The following EYA2 variants were observed in gnomAD, a reference collection of about 807,000 sequenced individuals.
The protein encoded by EYA2 is protein phosphatase EYA2.
A neutral mutation model predicts 69.2 loss-of-function variants in EYA2; 31 were observed. That is an observed-to-expected ratio of 0.45 (90% CI 0.34 to 0.60). The LOEUF (loss-of-function observed/expected upper bound fraction) is 0.60. Among genes scored for constraint, EYA2 ranks in the 20% least tolerant of loss-of-function variants. EYA2 has a pLI of 0.02. For missense variants in EYA2, 622 were observed against 701.2 expected (o/e 0.89, Z 1.28); for synonymous variants, 257 against 279.4 (o/e 0.92, Z 0.80).
chr20:47,147,054 CTT>C (rs57767869), intron 10 of EYA2, among the ~76,000 whole-genome samples: 56 of 112,890 alleles, frequency 5.0e-4, no homozygotes, highest in South Asian at 2.4e-3. Flanking sequence ...GCTCCTCTGA[CTT>C]TTTTTTTTTT....
intron 10 of EYA2, among the ~76,000 whole-genome samples, chr20:47,156,444 G>A (rs941646321): frequency 2.0e-5 from 3 of 151,736 alleles, no homozygotes; most frequent in Non-Finnish European, 4.4e-5. Flanking sequence ...CATTCGGGCA[G>A]GCTGGAAGGG....
intron 4 of EYA2, among the ~76,000 whole-genome samples, chr20:47,006,984 C>T (rs1982758956): frequency 6.6e-6 from 1 of 152,180 alleles, no homozygotes; most frequent in Non-Finnish European, 1.5e-5. Context: ...AGCCAGAGTG[C>T]AGTGGCACCA....
At chr20:47,004,202 CA>C (rs1982549708) in intron 3 of EYA2, among the ~76,000 whole-genome samples, 1 of 152,112 alleles carries the variant, frequency 6.6e-6, no homozygotes, top group South Asian at 2.1e-4. Flanking sequence ...TGGAATAGCT[CA>C]CAACATAAAT....
At chr20:47,028,021 G>A (rs8121917) in intron 5 of EYA2, among the ~76,000 whole-genome samples, 27,152 of 152,056 alleles carry the variant, frequency 0.18, 2,596 homozygotes, top group African/African-American at 0.24. Flanking sequence ...CCTTTGGGAG[G>A]TGTTAGGGTT....
intron 9 of EYA2, among the ~76,000 whole-genome samples, chr20:47,109,615 T>C (rs759486580): frequency 4.6e-5 from 7 of 152,308 alleles, no homozygotes; most frequent in Non-Finnish European, 8.8e-5. Context: ...ACTCCAGGGC[T>C]CTAGTAATCC....
At chr20:47,183,861 C>T (rs1254679101) in intron 15 of EYA2, among the ~76,000 whole-genome samples, 1 of 152,184 alleles carries the variant, frequency 6.6e-6, no homozygotes, top group Non-Finnish European at 1.5e-5. Flanking sequence ...GGAAAAGAAA[C>T]AGCTGCCAAA....
chr20:47,161,375 G>C (rs541589274), intron 10 of EYA2: 1 of 434,268 alleles, frequency 2.3e-6, no homozygotes, highest in Non-Finnish European at 4.4e-6. Flanking sequence ...GCTGGCTGGC[G>C]TGGGTCTGCT....
At chr20:47,027,047 G>A (rs1035466707) in intron 5 of EYA2, among the ~76,000 whole-genome samples, 10 of 152,204 alleles carry the variant, frequency 6.6e-5, no homozygotes, top group Non-Finnish European at 1.3e-4. Flanking sequence ...TCTAGATGGG[G>A]CAAATCACAA....
intron 15 of EYA2, 45 bp downstream of exon 15, chr20:47,183,436 C>T (rs1222885098): frequency 1.3e-6 from 2 of 1,581,860 alleles, no homozygotes; most frequent in Admixed American, 1.7e-5. Flanking sequence ...CTCTTTCGAG[C>T]ACCCCTCGTG....
chr20:47,038,782 C>G (rs1261890588), intron 5 of EYA2, among the ~76,000 whole-genome samples: 1 of 152,148 alleles, frequency 6.6e-6, no homozygotes, highest in Non-Finnish European at 1.5e-5. Flanking sequence ...CACGTAGCCC[C>G]TGGCAGCCAC....
chr20:46,932,704 G>A (rs141045984), intron 1 of EYA2, among the ~76,000 whole-genome samples: 76 of 152,192 alleles, frequency 5.0e-4, no homozygotes, highest in African/African-American at 1.6e-3. Context: ...CCAATGTGGC[G>A]AAACCCTGTC....
intron 1 of EYA2, among the ~76,000 whole-genome samples, chr20:46,916,389 A>C (rs1427900856): frequency 6.6e-6 from 1 of 150,616 alleles, no homozygotes; most frequent in Non-Finnish European, 1.5e-5. Context: ...GCTGTGTGTG[A>C]GTATATGAAT....
chr20:47,088,854 C>G (rs1195150247), intron 7 of EYA2, among the ~76,000 whole-genome samples: 1 of 152,202 alleles, frequency 6.6e-6, no homozygotes, highest in African/African-American at 2.4e-5. Context: ...GGATTACAGG[C>G]GTAAGCCCCC....
rs2031995773 is a variant in EYA2 at position 47,089,278 on chromosome 20, A to C, written c.701A>C (p.Lys234Thr). 3 of 1,614,176 alleles carry C rather than the reference A, an allele frequency of 1.9e-6. No individual in the cohort carries two copies. The East Asian group carries it at 6.7e-5, about 36-fold the overall frequency. The change falls in exon 8 of 16, where the codon AAA (lysine) becomes ACA (threonine). Residue 234 changes from lysine to threonine, a missense_variant. Physicochemically the swap from Lys to Thr is moderately conservative, Grantham distance 78. Coordinates refer to ENST00000327619, the MANE Select transcript of EYA2 (RefSeq NM_005244.5). Reference sequence around the variant, plus strand: ...CACAATGGACCTTCCACACCAGCGAAAGAGGGAGACACAGACAGGCCGCAC... The same window carrying C: ...CACAATGGACCTTCCACACCAGCGACAGAGGGAGACACAGACAGGCCGCAC... ...NTHNGPSTPA[K>T]EGDTDRPHRA...
chr20:47,098,000 G>A (rs2032303240), intron 9 of EYA2, among the ~76,000 whole-genome samples: 2 of 152,170 alleles, frequency 1.3e-5, no homozygotes, highest in Admixed American at 6.5e-5. Flanking sequence ...AAATATTTCT[G>A]TTTCTGTTTA....
At chr20:47,001,963 G>A (rs1213135551) in intron 3 of EYA2, among the ~76,000 whole-genome samples, 3 of 145,584 alleles carry the variant, frequency 2.1e-5, no homozygotes, top group South Asian at 4.3e-4. Context: ...ACAGAGTCTT[G>A]CTCTGTCACC....
chr20:47,020,664 C>T (rs1332455065), intron 5 of EYA2, among the ~76,000 whole-genome samples: 2 of 152,092 alleles, frequency 1.3e-5, no homozygotes, highest in African/African-American at 2.4e-5. Flanking sequence ...GAGTTCTGGA[C>T]CTGGCCTGTG....
At chr20:47,016,412 A>C in intron 5 of EYA2, 115 bp downstream of exon 5, 1 of 767,796 alleles carries the variant, frequency 1.3e-6, no homozygotes, top group Non-Finnish European at 2.3e-6. Context: ...GCCAGGCTCT[A>C]TCTCGAGGAG....
In EYA2 at chr20:47,143,195, T is replaced by C. The variant is rs374388625; in HGVS notation, c.978+47T>C. 1.2e-4 allele frequency: 173 copies of C among 1,466,974 alleles called. 3 individuals are homozygous for C. The Middle Eastern group carries it at 0.011, about 95-fold the overall frequency. The allele number at this position is 1,466,974 out of a possible 1,614,324, so 90.9% of individuals were successfully genotyped here. A position where few individuals can be genotyped will look rare whatever the true frequency, so the allele number is the denominator to read the frequency against. On this transcript the variant is annotated intron_variant, in intron 10 of 15. Coordinates refer to ENST00000327619, the MANE Select transcript of EYA2 (RefSeq NM_005244.5). ...TTAATATTTGCCATGTTTAATCACC[T>C]GCATCTAGTTTATGGGAAGAAGGAT...
Sources: allele counts gnomAD v4.1 joint callset (sites outside exome capture counted in the v4.1 genomes callset), GRCh38; gene constraint gnomAD v4.1.1; transcripts MANE v1.5; gene names NCBI Gene and HGNC (gene_info 2026-07-23, HGNC 2026-07-21).